MASTL: variants seen among roughly 807,000 people sequenced by gnomAD.
The protein encoded by MASTL is serine/threonine-protein kinase greatwall.
A neutral mutation model predicts 82.5 loss-of-function variants in MASTL; 54 were observed. That is an observed-to-expected ratio of 0.65 (90% confidence interval 0.53 to 0.82). MASTL has a LOEUF of 0.82. Ranked by LOEUF, MASTL falls within the 40% of genes least tolerant of loss-of-function variation. MASTL has a pLI of 0.00. For missense variants in MASTL, 950 were observed against 1,047.8 expected (o/e 0.91, Z 1.29); for synonymous variants, 323 against 368.9 (o/e 0.88, Z 1.43).
Position 27,186,833 on chromosome 10 carries a change from T to C in MASTL, c.*297T>C. 1 of 365,148 alleles carries C rather than the reference T, an allele frequency of 2.7e-6. No homozygotes were observed. 22.6% of individuals were successfully genotyped at this position (365,148 alleles called of 1,614,324 possible). ...TAAAATTAGAGGACACTATTGAGAG[T>C]GAGCCACTAGCTTGATTTTCTTTCT... On this transcript the variant is annotated 3_prime_UTR_variant, in exon 12 of 12. Transcript: ENST00000375940.
intron 1 of MASTL, among the ~76,000 whole-genome samples, chr10:27,156,595 G>A (rs1302328297): frequency 6.6e-6 from 1 of 152,082 alleles, no homozygotes; most frequent in African/African-American, 2.4e-5. Context: ...TGCCTCCTGG[G>A]TTCAAGCGAT....
intron 9 of MASTL, among the ~76,000 whole-genome samples, chr10:27,175,410 G>A (rs1411757032): frequency 4.6e-5 from 7 of 152,116 alleles, no homozygotes; most frequent in South Asian, 4.1e-4. Flanking sequence ...TCGAACTCCC[G>A]ACCTCAGGTG....
chr10:27,186,099 CTG>C (rs1431463914), intron 11 of MASTL, among the ~76,000 whole-genome samples: 1 of 151,566 alleles, frequency 6.6e-6, no homozygotes, highest in Non-Finnish European at 1.5e-5. Context: ...AAAAAAAAAG[CTG>C]TGAGAAAGAT....
rs1564494731 is a variant in MASTL, at chr10:27,170,840, TG to T, written c.1882del (p.Val628TyrfsTer9). The T allele has an allele frequency of 2.5e-6, 4 of 1,614,196 alleles. No homozygotes were observed. The highest frequency in any genetic ancestry group is 2.2e-5 in the South Asian group (2 of 91,082). ...TSPKGVENPA[V>X]QESNQKMLGP... The stretch of plus-strand genomic sequence containing the variant: ...CACCAAAAGGTGTCGAGAACCCTGC[TG>T]TACAAGAGAGTAACCAAAAAATGTT... On this transcript the variant is annotated frameshift_variant, in exon 8 of 12. Transcript: ENST00000375940. LOFTEE classifies it high-confidence loss of function.
At chr10:27,179,375 A>T (rs773483888) in intron 9 of MASTL, among the ~76,000 whole-genome samples, 3 of 152,172 alleles carry the variant, frequency 2.0e-5, no homozygotes, top group Non-Finnish European at 4.4e-5. Flanking sequence ...TAACACAGTG[A>T]AACCCTGTCT....
In MASTL at chr10:27,173,257, A is replaced by G; in HGVS notation, c.2264A>G (p.His755Arg). ...CCTGAGCTGTTACTAGGCAGGGCCC[A>G]TGGTAAGGCATGCATGTCTTGAGTT... ...LAPELLLGRAHGPAVDWWALG... is the reference protein window; with the variant it reads ...LAPELLLGRARGPAVDWWALG... Residue 755 changes from histidine (H) to arginine (R), a missense_variant and splice_region_variant, in exon 9 of 12, where the codon CAT (histidine) becomes CGT (arginine). His to Arg is a conservative substitution (Grantham distance 29). Transcript: ENST00000375940. 6.2e-7 allele frequency: 1 copy of G among 1,614,110 alleles called. No individual in the cohort carries two copies. Among genetic ancestry groups the G allele is most frequent in the Non-Finnish European group, 8.5e-7 (1 of 1,180,000 alleles).
intron 9 of MASTL, among the ~76,000 whole-genome samples, chr10:27,177,210 G>A (rs574803858): frequency 3.3e-5 from 5 of 152,156 alleles, no homozygotes; most frequent in Admixed American, 3.3e-4. Context: ...CTCAGTAACT[G>A]ATATTAATAA....
chr10:27,161,500 A>ATC (rs1490913284), intron 4 of MASTL, among the ~76,000 whole-genome samples: 9 of 151,334 alleles, frequency 5.9e-5, no homozygotes, highest in East Asian at 5.8e-4. Flanking sequence ...CAAAGTGAAA[A>ATC]TCTCTCTCAA....
chr10:27,181,197 C>A, intron 10 of MASTL, 131 bp downstream of exon 10: 1 of 704,160 alleles, frequency 1.4e-6, no homozygotes, highest in South Asian at 1.5e-5. Context: ...CCAGCCTGGC[C>A]AACATGGTAA....
At chr10:27,155,332 C>A, upstream of MASTL, 1 of 1,301,328 alleles carries the variant, frequency 7.7e-7, no homozygotes, top group Non-Finnish European at 1.0e-6. Flanking sequence ...CACGGCCGCG[C>A]GCGGCGTGGG....
Position 27,170,313 on chromosome 10 carries a change from T to C in MASTL, c.1354T>C (p.Ser452Pro), listed in dbSNP as rs1242375029. The C allele has an allele frequency of 1.2e-6, 2 of 1,613,694 alleles. No homozygotes were observed. The highest frequency in any genetic ancestry group is 1.7e-6 in the Non-Finnish European group (2 of 1,179,792). Residue 452 changes from serine to proline, a missense_variant, in exon 8 of 12, where the codon TCC (serine) becomes CCC (proline). By Grantham distance (74) the Ser-to-Pro change is moderately conservative. Coordinates refer to ENST00000375940, the MANE Select transcript of MASTL (RefSeq NM_001172303.3). Reference sequence around the variant, plus strand: ...AAAAAGAAATTTTGAGTTGGTTGACTCCAGTCCTTGTAAAAAAATTATACA... The same window carrying C: ...AAAAAGAAATTTTGAGTTGGTTGACCCCAGTCCTTGTAAAAAAATTATACA... ...SLKRNFELVD[S>P]SPCKKIIQNK... is the part of the protein sequence containing the mutation.
chr10:27,176,563 T>C (rs1321093486), intron 9 of MASTL, among the ~76,000 whole-genome samples: 1 of 152,178 alleles, frequency 6.6e-6, no homozygotes, highest in Non-Finnish European at 1.5e-5. Flanking sequence ...TACATTTAAT[T>C]TTCAGGTCTT....
rs1027907501 is a variant in MASTL, at chr10:27,159,088, T to C, written c.324+402T>C. On this transcript the variant is annotated intron_variant, in intron 2 of 11. Coordinates refer to ENST00000375940, the MANE Select transcript of MASTL (RefSeq NM_001172303.3). The surrounding 1 kb of genome is among the most constrained non-coding windows in gnomAD (Gnocchi z 4.0). The stretch of plus-strand genomic sequence containing the variant: ...GGCATGGTGGTATGCAGCTAGCTAA[T>C]AGAGATACCATTGCACATAATTGCA... Among the ~76,000 whole-genome samples, 1 of 152,142 alleles carries C rather than the reference T, an allele frequency of 6.6e-6. No homozygotes were observed. Among genetic ancestry groups the C allele is most frequent in the African/African-American group, 2.4e-5 (1 of 41,428 alleles).
Position 27,173,336 on chromosome 10 carries a change from T to G in MASTL, c.2266+77T>G. 4 of 1,548,544 alleles carry G rather than the reference T, an allele frequency of 2.6e-6. No homozygotes were observed. In the South Asian group the frequency reaches 4.5e-5, roughly 17 times the overall value. On this transcript the variant is annotated intron_variant, in intron 9 of 11. Transcript: ENST00000375940. ...CTTTCAAGGTTAAATTTTAAAAAAT[T>G]TCTTCAGTACTTACGTTACCTAAAG... is the stretch of plus-strand genomic sequence containing the variant.
rs2058849198 is a variant in MASTL at position 27,187,694 on chromosome 10, G to A, written c.*1158G>A. On this transcript the variant is annotated 3_prime_UTR_variant, in exon 12 of 12. Transcript: ENST00000375940. The stretch of plus-strand genomic sequence containing the variant: ...TTGAACCCAGGAGGTGGAGATTGCA[G>A]TGAGCTGAGATCACATCACTGCATT... Among the ~76,000 whole-genome samples, 9 of 151,266 alleles carry A rather than the reference G, an allele frequency of 5.9e-5. No homozygotes were observed. The South Asian group carries it at 1.7e-3, about 28-fold the overall frequency.
intron 4 of MASTL, among the ~76,000 whole-genome samples, chr10:27,164,060 C>G (rs1307457115): frequency 6.6e-6 from 1 of 151,514 alleles, no homozygotes; most frequent in African/African-American, 2.4e-5. Context: ...TGTCCCTCAG[C>G]CTTCCGAGTA....
At chr10:27,168,478 G>A (rs1247595936) in intron 7 of MASTL, among the ~76,000 whole-genome samples, 1 of 152,178 alleles carries the variant, frequency 6.6e-6, no homozygotes, top group African/African-American at 2.4e-5. Flanking sequence ...ATCCCCACAT[G>A]CATCATTTTC....
chr10:27,183,859 A>C lies in MASTL; in HGVS notation c.2482+2278A>C, dbSNP rs538873719. 7.9e-5 allele frequency among the ~76,000 whole-genome samples: 12 copies of C among 152,062 alleles called. No homozygotes were observed. In the East Asian group the frequency reaches 2.3e-3, roughly 30 times the overall value. On this transcript the variant is annotated intron_variant, in intron 11 of 11. Transcript: ENST00000375940. ...CCCAAGTAGCTGGTACTACTGGTGC[A>C]CACTACCACACCCAGCTAATTTTTG...
chr10:27,181,364 CTGGG>C (rs2058292382), intron 10 of MASTL, 112 bp from the exon 11 acceptor site: 5 of 783,236 alleles, frequency 6.4e-6, no homozygotes, highest in Non-Finnish European at 1.1e-5. Flanking sequence ...GCACTCCAGC[CTGGG>C]TGACAAGAGT....
Sources: allele counts gnomAD v4.1 joint callset (sites outside exome capture counted in the v4.1 genomes callset), GRCh38; gene constraint gnomAD v4.1.1; non-coding constraint Gnocchi (gnomAD v3.1); transcripts MANE v1.5; gene names NCBI Gene and HGNC (gene_info 2026-07-23, HGNC 2026-07-21).